CPNE5: variants seen among roughly 807,000 people sequenced by gnomAD.
The protein encoded by CPNE5 is copine-5.
Under a neutral mutation model 81.1 loss-of-function variants are expected in CPNE5, and 42 were observed. The ratio of observed to expected loss-of-function variants is 0.52; its 90% CI spans 0.40 to 0.67. The LOEUF (loss-of-function observed/expected upper bound fraction) is 0.67. Ranked by LOEUF, CPNE5 falls within the 30% of genes least tolerant of loss-of-function variation. The pLI, the probability that CPNE5 is intolerant of heterozygous loss-of-function variation, is 0.00. For missense variants in CPNE5, 612 were observed against 815.5 expected (o/e 0.75, Z 3.04); for synonymous variants, 313 against 321.5 (o/e 0.97, Z 0.28).
chr6:36,756,968 T>A (rs1028410898), intron 12 of CPNE5, among the ~76,000 whole-genome samples: 20 of 152,160 alleles, frequency 1.3e-4, no homozygotes, highest in African/African-American at 4.8e-4. Context: ...TTTGGTAACA[T>A]CTGGAGACGG....
At chr6:36,750,968 AAC>A (rs573460164) in intron 14 of CPNE5, among the ~76,000 whole-genome samples, 2 of 152,346 alleles carry the variant, frequency 1.3e-5, no homozygotes, top group African/African-American at 4.8e-5. Context: ...CTAAGGGTAG[AAC>A]ACAGGCTGCT....
At chr6:36,838,712 C>A (rs1773752710) in intron 1 of CPNE5, 1 of 960,312 alleles carries the variant, frequency 1.0e-6, no homozygotes, top group Non-Finnish European at 1.2e-6. Context: ...ATGAATGAGT[C>A]AATCTGATCC....
At chr6:36,768,225 CTTTTTTTTT>C (rs10586762) in intron 10 of CPNE5, among the ~76,000 whole-genome samples, 2 of 60,496 alleles carry the variant, frequency 3.3e-5, no homozygotes, top group Admixed American at 2.3e-4. Flanking sequence ...ATTCACAGTT[CTTTTTTTTT>C]TTTTTTTTTT....
chr6:36,801,134 G>C (rs769348866), intron 3 of CPNE5, among the ~76,000 whole-genome samples: 1 of 152,154 alleles, frequency 6.6e-6, no homozygotes. Flanking sequence ...AATTGTCTTG[G>C]TTGCCCTTGC....
At chr6:36,834,143 T>C (rs1396635812) in intron 1 of CPNE5, among the ~76,000 whole-genome samples, 1 of 149,612 alleles carries the variant, frequency 6.7e-6, no homozygotes, top group Non-Finnish European at 1.5e-5. Context: ...CCTGTAGTCC[T>C]GGCAACTCAG....
chr6:36,798,700 G>A (rs1769822582), intron 4 of CPNE5, among the ~76,000 whole-genome samples: 2 of 152,102 alleles, frequency 1.3e-5, no homozygotes, highest in Admixed American at 1.3e-4. Flanking sequence ...GACATCAGAG[G>A]GGTGGAAACG....
chr6:36,775,911 G>A (rs917241945), intron 9 of CPNE5, among the ~76,000 whole-genome samples: 1 of 152,092 alleles, frequency 6.6e-6, no homozygotes, highest in Non-Finnish European at 1.5e-5. Context: ...ATGAATCAAT[G>A]TATTTCTTGG....
intron 3 of CPNE5, among the ~76,000 whole-genome samples, chr6:36,814,522 C>T (rs888216718): frequency 1.3e-5 from 2 of 152,076 alleles, no homozygotes; most frequent in Middle Eastern, 3.2e-3. Flanking sequence ...AAACTCAGTA[C>T]GAATTAAGTC....
In CPNE5 at chr6:36,765,374, G is replaced by T. The variant is rs142514015; in HGVS notation, c.740C>A (p.Thr247Asn). The T allele has an allele frequency of 2.1e-5, 34 of 1,613,988 alleles. No individual in the cohort carries two copies. Among genetic ancestry groups the T allele is most frequent in the Non-Finnish European group, 2.7e-5 (32 of 1,179,992 alleles). The change falls in exon 11 of 21, where the codon ACC becomes AAC. Residue 247 changes from threonine (T) to asparagine (N), a missense_variant and splice_region_variant. Transcript: ENST00000244751. ...CCAGTCGTACACCTCCACCTTGATG[G>T]TCCTGCAAAACAAAGGCCTTTGCTG... is the stretch of plus-strand genomic sequence containing the variant. ...RALCNGDYDR[T>N]IKVEVYDWDR...
Position 36,798,494 on chromosome 6 carries a change from T to G in CPNE5, c.288A>C (p.Leu96=). ...FEEKQNLRFD[L]YDVDSKSPDL... is the part of the protein sequence containing the mutation. ...CAGGACTCTTAGAGTCAACGTCGTA[T>G]CTGCAGGGAACACAGAGAAACGATG... is the stretch of plus-strand genomic sequence containing the variant. Residue 96 remains leucine (L), a splice_region_variant and synonymous_variant, in exon 5 of 21, where the codon CTA becomes CTC. Coordinates refer to ENST00000244751, the MANE Select transcript of CPNE5 (RefSeq NM_020939.2). The G allele has an allele frequency of 6.2e-7, 1 of 1,614,078 alleles. No homozygotes were observed. The highest frequency in any genetic ancestry group is 1.1e-5 in the South Asian group (1 of 91,074).
chr6:36,772,857 T>A (rs981741195), intron 10 of CPNE5, among the ~76,000 whole-genome samples: 5 of 149,308 alleles, frequency 3.3e-5, no homozygotes, highest in Admixed American at 1.3e-4. Context: ...TAAGGTTTTC[T>A]TTTTTTTTTC....
chr6:36,816,571 A>T (rs2150573704), intron 3 of CPNE5, among the ~76,000 whole-genome samples: 1 of 152,236 alleles, frequency 6.6e-6, no homozygotes, highest in African/African-American at 2.4e-5. Context: ...GGTAACAGAG[A>T]GGTGATTTGT....
At chr6:36,753,495 C>A (rs1328922437) in intron 13 of CPNE5, among the ~76,000 whole-genome samples, 2 of 152,224 alleles carry the variant, frequency 1.3e-5, no homozygotes, top group African/African-American at 2.4e-5. Flanking sequence ...GTGTGGAGGA[C>A]AAGGGGGCCC....
In CPNE5 at chr6:36,746,501, G is replaced by C. The variant is rs200491635; in HGVS notation, c.1095C>G (p.Ala365=). 1.9e-6 allele frequency: 3 copies of C among 1,613,708 alleles called. No individual in the cohort carries two copies. The highest frequency in any genetic ancestry group is 2.5e-6 in the Non-Finnish European group (3 of 1,179,822). Reference sequence around the variant, plus strand: ...CGTAGTGCTGGATGATCTCTCCGACGGCAGTCAGCGCCAGCGCGTAGGCGT... The same window carrying C: ...CGTAGTGCTGGATGATCTCTCCGACCGCAGTCAGCGCCAGCGCGTAGGCGT... ...QLNAYALALT[A]VGEIIQHYDS... is the part of the protein sequence containing the mutation. Residue 365 remains alanine (A), a synonymous_variant, in exon 16 of 21, where the codon GCC becomes GCG. Transcript: ENST00000244751. The surrounding 1 kb of genome is among the most constrained non-coding windows in gnomAD (Gnocchi z 4.5).
intron 3 of CPNE5, among the ~76,000 whole-genome samples, chr6:36,820,997 C>T (rs948418313): frequency 6.6e-6 from 1 of 151,290 alleles, no homozygotes; most frequent in African/African-American, 2.4e-5. Context: ...AAAAGTGATA[C>T]AGAGAAAATA....
intron 8 of CPNE5, among the ~76,000 whole-genome samples, chr6:36,790,059 C>A (rs1011171118): frequency 6.6e-6 from 1 of 152,164 alleles, no homozygotes; most frequent in Admixed American, 6.5e-5. Flanking sequence ...GGCTCTAGAA[C>A]CAAACTGCCA....
At position 36,805,936 on chromosome 6, in the gene CPNE5, G is replaced by A. The variant is rs1231185945; in HGVS notation, c.184-5866C>T. ...AACTTCTTTGGGGACTAAATTAGGC[G>A]ACTCTCTGGGACTCTGCTACACGTG... On this transcript the variant is annotated intron_variant, in intron 3 of 20. Transcript: ENST00000244751. Among the ~76,000 whole-genome samples, 5 of 152,204 alleles carry A rather than the reference G, an allele frequency of 3.3e-5. No individual in the cohort carries two copies. The East Asian group carries it at 5.8e-4, about 18-fold the overall frequency.
intron 10 of CPNE5, 97 bp from the exon 11 acceptor site, chr6:36,765,473 C>G: frequency 6.9e-7 from 1 of 1,453,008 alleles, no homozygotes; most frequent in Non-Finnish European, 9.6e-7. Context: ...ATAGGGAGGC[C>G]AGGACTCCCT....
chr6:36,744,667 C>A (rs545644179), intron 18 of CPNE5: 4 of 481,636 alleles, frequency 8.3e-6, no homozygotes, highest in South Asian at 7.7e-5. Flanking sequence ...TCCCCTCCCA[C>A]TCCTTTGACC....
Sources: gnomAD v4.1 joint callset for allele counts (sites outside exome capture counted in the v4.1 genomes callset) on GRCh38, gnomAD v4.1.1 for gene constraint, Gnocchi (gnomAD v3.1) non-coding constraint, MANE v1.5 for transcripts, NCBI Gene and HGNC (gene_info 2026-07-23, HGNC 2026-07-21) for gene names.